PCDH15: variants seen among roughly 807,000 people sequenced by gnomAD.
The protein encoded by PCDH15 is protocadherin-15.
Under a neutral mutation model 178.5 loss-of-function variants are expected in PCDH15, and 129 were observed. That is an observed-to-expected ratio of 0.72 (90% confidence interval 0.63 to 0.84). PCDH15 has a LOEUF of 0.84. Ranked by LOEUF, PCDH15 falls within the 40% of genes least tolerant of loss-of-function variation. The pLI is 0.00. For synonymous variants in PCDH15, 800 were observed against 732.0 expected, an observed-to-expected ratio of 1.09 and a Z score of -1.50; for missense variants, 2,230 against 2,099.9, an observed-to-expected ratio of 1.06 and a Z score of -1.21.
At chr10:53,924,195 C>T (rs914107402) in intron 25 of PCDH15, among the ~76,000 whole-genome samples, 18 of 152,108 alleles carry the variant, frequency 1.2e-4, no homozygotes, top group African/African-American at 3.9e-4. Context: ...GAGGCGCAGG[C>T]GGGAACCGGG....
intron 29 of PCDH15, among the ~76,000 whole-genome samples, chr10:53,838,323 T>C (rs1427149980): frequency 2.0e-5 from 3 of 152,142 alleles, no homozygotes; most frequent in Non-Finnish European, 2.9e-5. Context: ...CCTTGCCTGC[T>C]GGCTATGATA....
chr10:55,367,144 A>G (rs1845382582), intron 2 of PCDH15, among the ~76,000 whole-genome samples: 2 of 152,122 alleles, frequency 1.3e-5, no homozygotes, highest in Admixed American at 6.6e-5. Flanking sequence ...TCCCTCTCCC[A>G]TATTTTCTCA....
intron 3 of PCDH15, among the ~76,000 whole-genome samples, chr10:54,838,476 G>A (rs1408249644): frequency 6.6e-6 from 1 of 152,082 alleles, no homozygotes; most frequent in Non-Finnish European, 1.5e-5. Context: ...AGCCTCCCCA[G>A]CAATGGAGAA....
chr10:54,105,233 GAACT>G (rs1002243154), intron 15 of PCDH15, among the ~76,000 whole-genome samples: 2 of 144,918 alleles, frequency 1.4e-5, no homozygotes, highest in East Asian at 2.0e-4. Flanking sequence ...TAGAGGGACA[GAACT>G]AACAAGAGAT....
At chr10:55,288,540 C>T (rs962423429) in intron 1 of PCDH15, among the ~76,000 whole-genome samples, 1 of 151,890 alleles carries the variant, frequency 6.6e-6, no homozygotes, top group Non-Finnish European at 1.5e-5. Context: ...CTACTTCTCC[C>T]TCCTCCAGCA....
In PCDH15 at chr10:54,190,839, C is replaced by T. The variant is rs1029060969; in HGVS notation, c.1305+4844G>A. Among the ~76,000 whole-genome samples the T allele has an allele frequency of 9.9e-5, 15 of 152,170 alleles. No homozygotes were observed. The South Asian group carries it at 1.2e-3, about 13-fold the overall frequency. Reference sequence around the variant, plus strand: ...TTACTTTATAAAAATAAATGGTGCTCGGTCTATAAAAAACAGATGTATCAG... The same window carrying T: ...TTACTTTATAAAAATAAATGGTGCTTGGTCTATAAAAAACAGATGTATCAG... On this transcript the variant is annotated intron_variant, in intron 11 of 37. Transcript: ENST00000644397.
chr10:54,236,449 G>T (rs780822855), intron 9 of PCDH15, among the ~76,000 whole-genome samples: 1 of 151,604 alleles, frequency 6.6e-6, no homozygotes, highest in Non-Finnish European at 1.5e-5. Flanking sequence ...ATTATGTATA[G>T]TAACCAACCA....
chr10:54,292,723 A>G (rs1160137214), intron 8 of PCDH15, among the ~76,000 whole-genome samples: 1 of 152,118 alleles, frequency 6.6e-6, no homozygotes, highest in African/African-American at 2.4e-5. Context: ...CACAATTGCT[A>G]CAAGGAGAAT....
intron 3 of PCDH15, among the ~76,000 whole-genome samples, chr10:54,873,610 A>C (rs1954079590): frequency 6.8e-6 from 1 of 146,890 alleles, no homozygotes; most frequent in South Asian, 2.1e-4. Context: ...TGCTTCTACA[A>C]GGTGTGTAAT....
intron 20 of PCDH15, among the ~76,000 whole-genome samples, chr10:54,007,234 G>A (rs919123633): frequency 6.6e-6 from 1 of 151,954 alleles, no homozygotes; most frequent in African/African-American, 2.4e-5. Flanking sequence ...TTATCACTCT[G>A]GATCTTTTAA....
In PCDH15 at chr10:53,903,238, C is replaced by A. The variant is rs779766439; in HGVS notation, c.3501+5G>T. 26 of 1,612,512 alleles carry A rather than the reference C, an allele frequency of 1.6e-5. No homozygotes were observed. Among genetic ancestry groups the A allele is most frequent in the Non-Finnish European group, 2.2e-5 (26 of 1,179,184 alleles). On this transcript the variant is annotated splice_donor_5th_base_variant and intron_variant, in intron 26 of 37. Transcript: ENST00000644397. ...AGTTCTGTATATTAACATAATTCCG[C>A]ATACCTTCACTCTGAGTACAGAAGT...
At chr10:53,823,031 G>GC in intron 32 of PCDH15, 1 of 1,613,890 alleles carries the variant, frequency 6.2e-7, no homozygotes, top group Non-Finnish European at 8.5e-7. Flanking sequence ...TTTCTCTTGG[G>GC]CCCCTCAGAG....
chr10:54,348,502 A>C (rs1164200091), intron 5 of PCDH15, among the ~76,000 whole-genome samples: 1 of 152,180 alleles, frequency 6.6e-6, no homozygotes. Context: ...GTTGCAAAAG[A>C]CATCCTTATC....
intron 6 of PCDH15, among the ~76,000 whole-genome samples, chr10:54,340,889 AC>A (rs1942098584): frequency 6.6e-6 from 1 of 152,056 alleles, no homozygotes; most frequent in South Asian, 2.1e-4. Flanking sequence ...TTTTTGCCTT[AC>A]CAGTTTAACA....
intron 1 of PCDH15, among the ~76,000 whole-genome samples, chr10:54,760,034 T>C (rs549505682): frequency 1.3e-5 from 2 of 152,286 alleles, no homozygotes; most frequent in South Asian, 4.1e-4. Context: ...TATAAACAGA[T>C]ACTTGGCTCA....
At chr10:54,406,909 TAA>T (rs147557514) in intron 3 of PCDH15, among the ~76,000 whole-genome samples, 2,663 of 152,194 alleles carry the variant, frequency 0.017, 76 homozygotes, top group African/African-American at 0.059. Flanking sequence ...CTTAAAAATT[TAA>T]AACTTTTATT....
At chr10:54,897,741 ATCTT>A (rs1488486382) in intron 2 of PCDH15, among the ~76,000 whole-genome samples, 19 of 152,122 alleles carry the variant, frequency 1.2e-4, no homozygotes, top group African/African-American at 4.3e-4. Flanking sequence ...AAAATGTTTT[ATCTT>A]TAAGTGCTTT....
Position 53,805,130 on chromosome 10 carries a change from T to C in PCDH15, c.*1449A>G, listed in dbSNP as rs1286226720. ...TGGAAATGAGGAAATAGCATAATAA[T>C]AAACAATTTTTAAGACGCGAAACAT... On this transcript the variant is annotated 3_prime_UTR_variant, in exon 38 of 38. Transcript: ENST00000644397. 1 of 152,022 alleles carries C rather than the reference T, an allele frequency of 6.6e-6. No individual in the cohort carries two copies. Among genetic ancestry groups the C allele is most frequent in the African/African-American group, 2.4e-5 (1 of 41,422 alleles). The allele number at this position is 152,022 out of a possible 1,614,324, so 9.4% of individuals were successfully genotyped here.
At chr10:53,808,328 G>A (rs10763006) in intron 37 of PCDH15, 15,044 of 321,336 alleles carry the variant, frequency 0.047, 515 homozygotes, top group East Asian at 0.32. Context: ...TAGTGTGTGT[G>A]TGTATATATA....
Sources: allele counts gnomAD v4.1 joint callset (sites outside exome capture counted in the v4.1 genomes callset), GRCh38; gene constraint gnomAD v4.1.1; transcripts MANE v1.5; gene names NCBI Gene and HGNC (gene_info 2026-07-23, HGNC 2026-07-21).